Variants in LARGE1 observed in about 807,000 individuals in gnomAD.
LARGE1 encodes LARGE xylosyl- and glucuronyltransferase 1, also known as xylosyl- and glucuronyltransferase LARGE1.
LARGE1 carries 43 observed loss-of-function variants against 87.6 expected under a neutral mutation model. The observed-to-expected ratio is 0.49, with a 90% confidence interval of 0.38 to 0.63. The LOEUF (loss-of-function observed/expected upper bound fraction) is 0.63. LARGE1 is among the 30% of genes least tolerant of loss of function. The pLI is 0.00. For synonymous variants in LARGE1, 434 were observed against 394.6 expected (o/e 1.10, Z -1.18); for missense variants, 802 against 1,000.2 (o/e 0.80, Z 2.67).
intron 2 of LARGE1, among the ~76,000 whole-genome samples, chr22:33,742,510 C>A (rs1054177714): frequency 6.6e-6 from 1 of 152,108 alleles, no homozygotes; most frequent in African/African-American, 2.4e-5. Flanking sequence ...GGACTAGGAG[C>A]CCACTTGGTC....
At chr22:33,560,875 C>T (rs1434659963) in intron 6 of LARGE1, among the ~76,000 whole-genome samples, 10 of 150,746 alleles carry the variant, frequency 6.6e-5, no homozygotes, top group Admixed American at 4.6e-4. Context: ...AGTGCAGTGG[C>T]GCCATCTCGG....
intron 6 of LARGE1, among the ~76,000 whole-genome samples, chr22:33,471,768 C>A (rs1386881865): frequency 2.6e-5 from 4 of 152,132 alleles, no homozygotes; most frequent in Non-Finnish European, 4.4e-5. Flanking sequence ...GGCGCGGTGG[C>A]TCACCCCTGT....
chr22:33,196,327 A>T (rs1924079753), intron 11 of LARGE1, among the ~76,000 whole-genome samples: 1 of 152,280 alleles, frequency 6.6e-6, no homozygotes, highest in Middle Eastern at 3.4e-3. Flanking sequence ...ATCACTAAAG[A>T]TGCTGCAGAC....
intron 6 of LARGE1, among the ~76,000 whole-genome samples, chr22:33,452,099 G>T (rs923512962): frequency 6.6e-6 from 1 of 152,180 alleles, no homozygotes; most frequent in African/African-American, 2.4e-5. Context: ...TATTTATTGA[G>T]AGGTGACTAT....
At chr22:33,530,757 A>C (rs2072158422) in intron 6 of LARGE1, among the ~76,000 whole-genome samples, 1 of 152,190 alleles carries the variant, frequency 6.6e-6, no homozygotes, top group Non-Finnish European at 1.5e-5. Flanking sequence ...AGGATCTAAA[A>C]GCTCCCTGTG....
intron 1 of LARGE1, among the ~76,000 whole-genome samples, chr22:33,833,564 T>C (rs1568970535): frequency 6.6e-6 from 1 of 152,236 alleles, no homozygotes; most frequent in Non-Finnish European, 1.5e-5. Flanking sequence ...AGAACTGTGA[T>C]AGAATATATT....
rs77330622 is a variant in LARGE1, at chr22:33,420,288, G to C, written c.892+11873C>G. 8.9e-3 allele frequency among the ~76,000 whole-genome samples: 1,351 copies of C among 152,274 alleles called. 24 individuals carry two copies. Among genetic ancestry groups the C allele is most frequent in the African/African-American group, 0.031 (1,293 of 41,538 alleles). On this transcript the variant is annotated intron_variant, in intron 7 of 14. Transcript: ENST00000397394. ...ATGGGGGATAAAGCAGTGAAATTCA[G>C]ATGAGATTGGGTGCATTCAGGGTGG...
chr22:33,519,463 T>C (rs967359902), intron 6 of LARGE1, among the ~76,000 whole-genome samples: 3 of 152,076 alleles, frequency 2.0e-5, no homozygotes, highest in African/African-American at 7.2e-5. Context: ...CTGTTACCTC[T>C]AAAACGCATC....
At chr22:33,857,925 T>C (rs551615404) in intron 1 of LARGE1, among the ~76,000 whole-genome samples, 142 of 152,048 alleles carry the variant, frequency 9.3e-4, no homozygotes, top group African/African-American at 2.5e-3. Context: ...GAACCGGGAG[T>C]TCCAACTCCC....
chr22:33,105,708 G>T, the LARGE1 span: 1 of 152,228 alleles, frequency 6.6e-6, no homozygotes, highest in Admixed American at 6.5e-5. Flanking sequence ...ACATCCCGTT[G>T]CGCCTGAGTT....
intron 7 of LARGE1, among the ~76,000 whole-genome samples, chr22:33,400,441 C>A (rs920055813): frequency 6.6e-6 from 1 of 152,146 alleles, no homozygotes; most frequent in South Asian, 2.1e-4. Context: ...ATACCAGCTA[C>A]CGAAAAATGG....
the LARGE1 span, among the ~76,000 whole-genome samples, chr22:33,095,024 T>C: frequency 1.3e-5 from 2 of 152,204 alleles, no homozygotes; most frequent in African/African-American, 4.8e-5. Flanking sequence ...TGGCCTCTCC[T>C]GTGTTCTTAT....
At chr22:33,328,066 A>G (rs1430170993) in intron 10 of LARGE1, among the ~76,000 whole-genome samples, 1 of 152,210 alleles carries the variant, frequency 6.6e-6, no homozygotes, top group Non-Finnish European at 1.5e-5. Flanking sequence ...ACAAAAATAA[A>G]TAAGTCATGA....
intron 1 of LARGE1, among the ~76,000 whole-genome samples, chr22:33,854,285 T>C (rs2063695577): frequency 6.6e-6 from 1 of 151,652 alleles, no homozygotes; most frequent in Non-Finnish European, 1.5e-5. Flanking sequence ...ACAGGCTGCT[T>C]TGTTAAATAT....
intron 2 of LARGE1, among the ~76,000 whole-genome samples, chr22:33,713,182 C>G (rs181514750): frequency 6.6e-4 from 100 of 152,136 alleles, no homozygotes; most frequent in African/African-American, 2.2e-3. Flanking sequence ...ATAGATTCAG[C>G]TTAGAGAAGG....
At chr22:33,886,174 C>G (rs2064838978) in intron 1 of LARGE1, among the ~76,000 whole-genome samples, 1 of 152,190 alleles carries the variant, frequency 6.6e-6, no homozygotes, top group Non-Finnish European at 1.5e-5. Context: ...CCACAGCAAT[C>G]CTGCTCCCTG....
intron 11 of LARGE1, among the ~76,000 whole-genome samples, chr22:33,198,331 A>G (rs1219956563): frequency 1.3e-5 from 2 of 152,074 alleles, no homozygotes; most frequent in Non-Finnish European, 1.5e-5. Flanking sequence ...TAAAATGTAT[A>G]TATATCTGAG....
At chr22:33,465,816 G>A (rs1293549011) in intron 6 of LARGE1, among the ~76,000 whole-genome samples, 1 of 152,172 alleles carries the variant, frequency 6.6e-6, no homozygotes, top group African/African-American at 2.4e-5. Context: ...ACAGGAATCT[G>A]CGTCTGCCCA....
At chr22:33,569,048 G>A (rs546224696) in intron 5 of LARGE1, among the ~76,000 whole-genome samples, 2 of 152,272 alleles carry the variant, frequency 1.3e-5, no homozygotes, top group African/African-American at 2.4e-5. Context: ...GTTAAGATCC[G>A]AGGACTCAGT....
Sources: gnomAD v4.1 joint callset for allele counts (sites outside exome capture counted in the v4.1 genomes callset) on GRCh38, gnomAD v4.1.1 for gene constraint, MANE v1.5 for transcripts, NCBI Gene and HGNC (gene_info 2026-07-23, HGNC 2026-07-21) for gene names.